The following SETD2 variants were observed in gnomAD, a reference collection of about 807,000 sequenced individuals.
The protein encoded by SETD2 is SET domain containing 2, histone lysine methyltransferase.
In SETD2, 31 loss-of-function variants were observed where a neutral mutation model predicts 242.1. The ratio of observed to expected loss-of-function variants is 0.13; its 90% confidence interval spans 0.10 to 0.17. SETD2 has a LOEUF of 0.17. SETD2 is among the 10% of genes least tolerant of loss of function. The pLI is 1.00. For missense variants in SETD2, 2,481 were observed against 3,046.3 expected (o/e 0.81, Z 4.37); for synonymous variants, 1,006 against 1,066.5 (o/e 0.94, Z 1.11).
intron 1 of SETD2, among the ~76,000 whole-genome samples, chr3:47,133,647 C>G (rs977704494): frequency 2.0e-5 from 3 of 152,072 alleles, no homozygotes; most frequent in Admixed American, 6.5e-5. Flanking sequence ...GCATGAGATT[C>G]GCTTGAACCC....
Position 47,122,956 on chromosome 3 carries a change from T to C in SETD2, c.1680A>G (p.Ser560=), listed in dbSNP as rs2043163483. The part of the protein sequence containing the change: ...SSASRYKSTL[S]KPIPKSDKFK... The stretch of plus-strand genomic sequence containing the variant: ...ATTTATCAGACTTGGGTATAGGTTT[T>C]GAAAGGGTAGATTTATAACGGGAAG... Residue 560 remains serine, a synonymous_variant, in exon 3 of 21, where the codon TCA becomes TCG. Transcript: ENST00000409792. 28 of 1,613,770 alleles carry C rather than the reference T, an allele frequency of 1.7e-5. No individual in the cohort carries two copies. Among genetic ancestry groups the C allele is most frequent in the Non-Finnish European group, 2.3e-5 (27 of 1,179,810 alleles).
At chr3:47,070,897 T>C (rs1205370280) in intron 12 of SETD2, among the ~76,000 whole-genome samples, 6 of 152,122 alleles carry the variant, frequency 3.9e-5, no homozygotes, top group Non-Finnish European at 8.8e-5. Context: ...AGATTTAATA[T>C]TGTGTGTGTA....
At chr3:47,070,034 C>G (rs1428010982) in intron 12 of SETD2, among the ~76,000 whole-genome samples, 1 of 151,990 alleles carries the variant, frequency 6.6e-6, no homozygotes, top group Non-Finnish European at 1.5e-5. Context: ...ATTGAGGGTC[C>G]CACTAAGAAT....
At chr3:47,154,881 C>T (rs996403660) in intron 1 of SETD2, among the ~76,000 whole-genome samples, 1 of 151,996 alleles carries the variant, frequency 6.6e-6, no homozygotes. Flanking sequence ...GTAGTCCCAG[C>T]TACTCCGGAG....
rs781569078 is a variant in SETD2, at chr3:47,122,489, A to G, written c.2147T>C (p.Leu716Pro). The change falls in exon 3 of 21, where the codon CTT becomes CCT. Residue 716 changes from leucine (L) to proline (P), a missense_variant. Leu to Pro is a moderately conservative substitution (Grantham distance 98). Coordinates refer to ENST00000409792, the MANE Select transcript of SETD2 (RefSeq NM_014159.7). ...AATATTCTGAAATCCATTTGATGAA[A>G]GCATGCATGCTTTGACCAAAGGGGA... is the stretch of plus-strand genomic sequence containing the variant. ...ELSPLVKACMLSSNGFQNISR... is the reference protein window; with the variant it reads ...ELSPLVKACMPSSNGFQNISR... 4.3e-6 allele frequency: 7 copies of G among 1,614,196 alleles called. No homozygotes were observed. The highest frequency in any genetic ancestry group is 5.9e-6 in the Non-Finnish European group (7 of 1,180,024).
At chr3:47,023,128 C>A (rs897444634) in intron 18 of SETD2, among the ~76,000 whole-genome samples, 1 of 152,120 alleles carries the variant, frequency 6.6e-6, no homozygotes, top group African/African-American at 2.4e-5. Context: ...GGGCTGGGCA[C>A]GGTGGCTCAT....
intron 18 of SETD2, among the ~76,000 whole-genome samples, chr3:47,026,755 A>G (rs573640682): frequency 2.0e-5 from 3 of 152,082 alleles, no homozygotes; most frequent in Non-Finnish European, 4.4e-5. Flanking sequence ...GAGTTGAACA[A>G]TGAGAACACA....
At chr3:47,081,001 A>G (rs1489409833) in intron 12 of SETD2, 1 of 986,824 alleles carries the variant, frequency 1.0e-6, no homozygotes, top group Non-Finnish European at 1.2e-6. Context: ...GTTTTTCTTC[A>G]GCACGAAGTT....
At chr3:47,059,709 C>A (rs576448281) in intron 14 of SETD2, among the ~76,000 whole-genome samples, 10 of 152,198 alleles carry the variant, frequency 6.6e-5, no homozygotes, top group Non-Finnish European at 1.3e-4. Flanking sequence ...CAAGCCACCA[C>A]GCCTGGCTGG....
At position 47,067,093 on chromosome 3, in the gene SETD2, C is replaced by T. The variant is rs1414315565; in HGVS notation, c.6086G>A (p.Ser2029Asn). 1.2e-6 allele frequency: 2 copies of T among 1,612,122 alleles called. No homozygotes were observed. The highest frequency in any genetic ancestry group is 1.7e-6 in the Non-Finnish European group (2 of 1,178,496). ...LKEVYRIPKK[S>N]QTEKENTTTE... is the part of the protein sequence containing the mutation. ...ACTTGTGTTTTCCTTTTCAGTTTGACTTTTCTTTGGAATTCGATATACCTC... is the reference window on the plus strand; with the variant it reads ...ACTTGTGTTTTCCTTTTCAGTTTGATTTTTCTTTGGAATTCGATATACCTC... Residue 2029 changes from serine (S) to asparagine (N), a missense_variant, in exon 13 of 21, where the codon AGT becomes AAT. By Grantham distance (46) the Ser-to-Asn change is conservative. This residue lies in a region of SETD2 where 80 missense variants were observed against 102.6 expected (regional missense o/e 0.78). Transcript: ENST00000409792.
intron 5 of SETD2, among the ~76,000 whole-genome samples, chr3:47,108,750 G>A (rs1359458743): frequency 6.6e-6 from 1 of 152,166 alleles, no homozygotes; most frequent in Admixed American, 6.5e-5. Context: ...TCAGGAATTT[G>A]GGGAATGTAG....
chr3:47,141,130 C>G (rs1202067194), intron 1 of SETD2, among the ~76,000 whole-genome samples: 1 of 149,570 alleles, frequency 6.7e-6, no homozygotes, highest in African/African-American at 2.5e-5. Context: ...ACCTCAGCCT[C>G]CCAAGTAGCT....
At chr3:47,042,757 T>C (rs1215736466) in intron 16 of SETD2, 57 bp from the exon 17 acceptor site, 23 of 1,443,752 alleles carry the variant, frequency 1.6e-5, no homozygotes, top group Non-Finnish European at 2.0e-5. Flanking sequence ...TCTGGCTGAA[T>C]AGGACAAAAT....
intron 16 of SETD2, among the ~76,000 whole-genome samples, chr3:47,045,033 A>G (rs2039458519): frequency 6.6e-6 from 1 of 152,192 alleles, no homozygotes; most frequent in South Asian, 2.1e-4. Flanking sequence ...GGTCCCGTGA[A>G]GCTCAGATAA....
intron 1 of SETD2, among the ~76,000 whole-genome samples, chr3:47,136,897 T>A (rs2043600478): frequency 6.6e-6 from 1 of 152,120 alleles, no homozygotes; most frequent in African/African-American, 2.4e-5. Flanking sequence ...GAGGTTGCAG[T>A]GTGCCGAGAT....
intron 18 of SETD2, among the ~76,000 whole-genome samples, chr3:47,026,495 A>G (rs1012744063): frequency 1.3e-5 from 2 of 152,232 alleles, no homozygotes; most frequent in Non-Finnish European, 2.9e-5. Context: ...CTGTAAAGAC[A>G]CATGCACACA....
intron 14 of SETD2, among the ~76,000 whole-genome samples, chr3:47,059,668 T>C (rs2107583670): frequency 6.6e-6 from 1 of 152,262 alleles, no homozygotes; most frequent in Non-Finnish European, 1.5e-5. Flanking sequence ...TCCACTCGCC[T>C]CGGCCTCCCA....
intron 15 of SETD2, among the ~76,000 whole-genome samples, chr3:47,056,044 G>A (rs1481303883): frequency 7.3e-3 from 469 of 63,818 alleles, no homozygotes; most frequent in Non-Finnish European, 0.011. Context: ...AAAAAAAAAA[G>A]TTCTGCCTTG....
chr3:47,112,204 C>T (rs1355966728), intron 5 of SETD2, among the ~76,000 whole-genome samples: 1 of 151,348 alleles, frequency 6.6e-6, no homozygotes. Context: ...ACCTCCTCCT[C>T]GTGGGTTCAA....
Sources: allele counts gnomAD v4.1 joint callset (sites outside exome capture counted in the v4.1 genomes callset), GRCh38; gene constraint gnomAD v4.1.1; regional missense constraint gnomAD v4.1.1; transcripts MANE v1.5; gene names NCBI Gene and HGNC (gene_info 2026-07-23, HGNC 2026-07-21).